Variants in FBXL17 observed in about 807,000 individuals in gnomAD.
FBXL17 encodes F-box and leucine rich repeat protein 17.
Under a neutral mutation model 66.2 loss-of-function variants are expected in FBXL17, and 22 were observed. That is an observed-to-expected ratio of 0.33 (90% CI 0.24 to 0.47). FBXL17 has a LOEUF of 0.47. FBXL17 is among the 20% of genes least tolerant of loss of function. FBXL17 has a pLI of 1.00. For synonymous variants in FBXL17, 474 were observed against 400.5 expected (o/e 1.18, Z -2.19); for missense variants, 878 against 948.2 (o/e 0.93, Z 0.97).
At chr5:108,274,731 T>C (rs565690805) in intron 4 of FBXL17, among the ~76,000 whole-genome samples, 16 of 152,310 alleles carry the variant, frequency 1.1e-4, no homozygotes, top group African/African-American at 3.8e-4. Flanking sequence ...AAGTATTAAT[T>C]TGGGGAACTA....
intron 7 of FBXL17, among the ~76,000 whole-genome samples, chr5:107,936,979 A>C (rs1016555007): frequency 1.3e-5 from 2 of 152,086 alleles, no homozygotes; most frequent in Non-Finnish European, 2.9e-5. Flanking sequence ...AAAGAACAAA[A>C]ATTAGATTAA....
At chr5:108,002,112 T>C (rs1399421605) in intron 7 of FBXL17, among the ~76,000 whole-genome samples, 6 of 151,690 alleles carry the variant, frequency 4.0e-5, no homozygotes, top group African/African-American at 1.2e-4. Flanking sequence ...GCCTCCCGGA[T>C]TCAAGGGATT....
chr5:107,943,547 C>T (rs1751184836), intron 7 of FBXL17, among the ~76,000 whole-genome samples: 1 of 144,710 alleles, frequency 6.9e-6, no homozygotes, highest in African/African-American at 2.5e-5. Flanking sequence ...AGAACCTCAT[C>T]TTTTTTTTTT....
chr5:108,263,400 C>G (rs1032531128), intron 4 of FBXL17, among the ~76,000 whole-genome samples: 1 of 152,074 alleles, frequency 6.6e-6, no homozygotes. Flanking sequence ...AACTGCAGTA[C>G]AAGGGAATTC....
intron 4 of FBXL17, among the ~76,000 whole-genome samples, chr5:108,240,991 A>G (rs1024976918): frequency 3.9e-5 from 6 of 152,208 alleles, no homozygotes; most frequent in Non-Finnish European, 8.8e-5. Flanking sequence ...CCTCTATGCA[A>G]GAGCCACGGC....
At chr5:108,109,609 C>G (rs144225218) in intron 6 of FBXL17, among the ~76,000 whole-genome samples, 15 of 151,932 alleles carry the variant, frequency 9.9e-5, no homozygotes, top group African/African-American at 3.4e-4. Flanking sequence ...TGTTTTTTTT[C>G]TTGATTATCT....
chr5:108,241,748 A>T (rs1755862993), intron 4 of FBXL17, among the ~76,000 whole-genome samples: 2 of 152,190 alleles, frequency 1.3e-5, no homozygotes, highest in Non-Finnish European at 2.9e-5. Flanking sequence ...GGCTCCGAAA[A>T]GCCACAAGAG....
At chr5:107,918,494 A>C (rs909501647) in intron 7 of FBXL17, among the ~76,000 whole-genome samples, 6 of 152,186 alleles carry the variant, frequency 3.9e-5, no homozygotes, top group African/African-American at 1.4e-4. Context: ...AGCTTGTATA[A>C]ACTCTTAGTT....
intron 5 of FBXL17, among the ~76,000 whole-genome samples, chr5:108,203,404 G>GA (rs376594670): frequency 4.6e-5 from 7 of 151,848 alleles, no homozygotes; most frequent in Admixed American, 3.9e-4. Context: ...AAACTTCTAA[G>GA]AAAAAAATAT....
At chr5:107,902,110 T>C (rs1489192046) in intron 7 of FBXL17, among the ~76,000 whole-genome samples, 3 of 152,180 alleles carry the variant, frequency 2.0e-5, no homozygotes, top group Non-Finnish European at 2.9e-5. Context: ...GAGCTGAATA[T>C]GGCCCATGGA....
intron 6 of FBXL17, among the ~76,000 whole-genome samples, chr5:108,075,874 A>G (rs1360105770): frequency 6.6e-6 from 1 of 152,218 alleles, no homozygotes; most frequent in African/African-American, 2.4e-5. Flanking sequence ...CTGTATTTCT[A>G]TGCATATATG....
chr5:108,165,550 G>T (rs1286733106), intron 6 of FBXL17, among the ~76,000 whole-genome samples: 1 of 152,132 alleles, frequency 6.6e-6, no homozygotes. Context: ...GAAAGGCAAG[G>T]GAGTAGCTGA....
intron 4 of FBXL17, among the ~76,000 whole-genome samples, chr5:108,235,214 T>C (rs1405171758): frequency 6.6e-6 from 1 of 152,230 alleles, no homozygotes; most frequent in Non-Finnish European, 1.5e-5. Context: ...ACAGTATTTC[T>C]TGATCTTAAT....
chr5:108,164,962 T>C lies in FBXL17; in HGVS notation c.1745+21155A>G, dbSNP rs1752358645. ...AAAGCCATTTTTAAATGCTCCAAAA[T>C]AGCTGATGATAGCATCCACAATTGG... On this transcript the variant is annotated intron_variant, in intron 6 of 8. Coordinates refer to ENST00000542267, the MANE Select transcript of FBXL17 (RefSeq NM_001163315.3). 2.6e-5 allele frequency among the ~76,000 whole-genome samples: 4 copies of C among 152,150 alleles called. No individual in the cohort carries two copies. In the South Asian group the frequency reaches 8.3e-4, roughly 31 times the overall value.
chr5:107,921,682 A>ACTCTT (rs1368358809), intron 7 of FBXL17, among the ~76,000 whole-genome samples: 2 of 152,184 alleles, frequency 1.3e-5, no homozygotes, highest in African/African-American at 4.8e-5. Flanking sequence ...GGGCAGCAAG[A>ACTCTT]GCTGCCCAAG....
intron 4 of FBXL17, among the ~76,000 whole-genome samples, chr5:108,230,366 T>C (rs910638842): frequency 1.3e-5 from 2 of 152,164 alleles, no homozygotes; most frequent in African/African-American, 4.8e-5. Flanking sequence ...GTGGTATATA[T>C]ACACAACAGA....
chr5:108,241,667 C>T (rs1304798918), intron 4 of FBXL17, among the ~76,000 whole-genome samples: 1 of 151,868 alleles, frequency 6.6e-6, no homozygotes, highest in African/African-American at 2.4e-5. Context: ...AGATTTAACC[C>T]AAAGAAGAAA....
rs570814087 is a variant in FBXL17 at position 108,174,945 on chromosome 5, T to C, written c.1745+11172A>G. 8.5e-5 allele frequency among the ~76,000 whole-genome samples: 13 copies of C among 152,196 alleles called. No homozygotes were observed. The South Asian group carries it at 2.7e-3, about 32-fold the overall frequency. On this transcript the variant is annotated intron_variant, in intron 6 of 8. Transcript: ENST00000542267. ...CTTGTTCAAAAATGAGGCTATGGCT[T>C]TCAGACAAATGGCATGTAATACATA...
At chr5:108,174,560 G>T (rs1007597749) in intron 6 of FBXL17, among the ~76,000 whole-genome samples, 1 of 151,990 alleles carries the variant, frequency 6.6e-6, no homozygotes, top group Non-Finnish European at 1.5e-5. Context: ...TTTTGCACCA[G>T]AGCAATTAAC....
Sources: allele counts gnomAD v4.1 joint callset (sites outside exome capture counted in the v4.1 genomes callset), GRCh38; gene constraint gnomAD v4.1.1; transcripts MANE v1.5; gene names NCBI Gene and HGNC (gene_info 2026-07-23, HGNC 2026-07-21).